Variants in RFLNA observed in about 807,000 individuals in gnomAD.
RFLNA encodes the protein refilin-A.
In RFLNA, 5 loss-of-function variants were observed where a neutral mutation model predicts 7.8. The ratio of observed to expected loss-of-function variants is 0.64; its 90% confidence interval spans 0.34 to 1.35. RFLNA has a LOEUF of 1.35. Among genes scored for constraint, RFLNA ranks in the 40% most tolerant of loss-of-function variants. The probability of loss-of-function intolerance (pLI) is 0.04; values close to 1 mark genes in which losing one functional copy is unlikely to be tolerated. For synonymous variants in RFLNA, 141 were observed against 131.3 expected (o/e 1.07, Z -0.50); for missense variants, 278 against 305.5 (o/e 0.91, Z 0.67).
intron 2 of RFLNA, among the ~76,000 whole-genome samples, chr12:124,312,912 A>G (rs114086562): frequency 0.029 from 4,374 of 152,214 alleles, 117 homozygotes; most frequent in African/African-American, 0.066. Context: ...CTTCCCAAGG[A>G]TGGAGTGTGG....
chr12:124,294,893 AGT>A (rs1311060725), upstream of RFLNA, among the ~76,000 whole-genome samples: 2 of 152,214 alleles, frequency 1.3e-5, no homozygotes, highest in African/African-American at 4.8e-5. Flanking sequence ...TCGGTGCGCC[AGT>A]GTGGTGCTTG....
upstream of RFLNA, among the ~76,000 whole-genome samples, chr12:124,294,305 T>G (rs779662071): frequency 3.2e-4 from 49 of 152,180 alleles, no homozygotes; most frequent in Non-Finnish European, 5.6e-4. Flanking sequence ...ATTCCTGCTT[T>G]TCAAAGCAGT....
chr12:124,308,234 G>A (rs937916304), intron 1 of RFLNA, among the ~76,000 whole-genome samples: 2 of 152,110 alleles, frequency 1.3e-5, no homozygotes, highest in East Asian at 1.9e-4. Context: ...CACCCACCTC[G>A]GCCTCCCAAA....
chr12:124,299,246 G>T (rs1406181301), intron 1 of RFLNA, among the ~76,000 whole-genome samples: 1 of 152,262 alleles, frequency 6.6e-6, no homozygotes, highest in African/African-American at 2.4e-5. Flanking sequence ...ATGCGGGCAG[G>T]GACCTGTCTC....
intron 1 of RFLNA, among the ~76,000 whole-genome samples, chr12:124,298,672 C>A (rs2033973537): frequency 6.6e-6 from 1 of 152,194 alleles, no homozygotes. Flanking sequence ...AGAGACACAG[C>A]CACCAGCTGA....
chr12:124,299,797 G>A (rs1566322218), intron 1 of RFLNA, among the ~76,000 whole-genome samples: 4 of 144,478 alleles, frequency 2.8e-5, no homozygotes, highest in African/African-American at 1.1e-4. Flanking sequence ...AGCGGGGTGG[G>A]TGAGTAACAC....
chr12:124,297,280 C>G (rs1593026029), intron 1 of RFLNA, among the ~76,000 whole-genome samples: 1 of 152,114 alleles, frequency 6.6e-6, no homozygotes, highest in African/African-American at 2.4e-5. Context: ...CTTGTCTTGG[C>G]TCTTCTACTT....
At chr12:124,290,886 G>A (rs558918594), upstream of RFLNA, among the ~76,000 whole-genome samples, 5 of 152,338 alleles carry the variant, frequency 3.3e-5, no homozygotes, top group African/African-American at 1.2e-4. The surrounding 1 kb of genome is among the most constrained non-coding windows in gnomAD (Gnocchi z 4.0). Context: ...AGATCACACA[G>A]CCGGGACATG....
chr12:124,306,215 G>A lies in RFLNA; in HGVS notation c.208-5603G>A, dbSNP rs2034134991. Reference sequence around the variant, plus strand: ...AGGTGATAAGGACTCCAGCCTTAGGGAGCTGCTTCTCTGGGGGTGACAGAC... The same window carrying A: ...AGGTGATAAGGACTCCAGCCTTAGGAAGCTGCTTCTCTGGGGGTGACAGAC... On this transcript the variant is annotated intron_variant, in intron 1 of 2. Coordinates refer to ENST00000546355, the MANE Select transcript of RFLNA (RefSeq NM_001365156.1). The surrounding 1 kb of genome is among the most constrained non-coding windows in gnomAD (Gnocchi z 5.2). 6.6e-6 allele frequency among the ~76,000 whole-genome samples: 1 copy of A among 152,282 alleles called. No homozygotes were observed. The highest frequency in any genetic ancestry group is 2.1e-4 in the South Asian group (1 of 4,826).
rs1264108903 is a variant in RFLNA, at chr12:124,306,746, G to A, written c.208-5072G>A. Among the ~76,000 whole-genome samples, 2 of 152,138 alleles carry A rather than the reference G, an allele frequency of 1.3e-5. No individual in the cohort carries two copies. Among genetic ancestry groups the A allele is most frequent in the African/African-American group, 2.4e-5 (1 of 41,436 alleles). On this transcript the variant is annotated intron_variant, in intron 1 of 2. Coordinates refer to ENST00000546355, the MANE Select transcript of RFLNA (RefSeq NM_001365156.1). This position sits in a 1 kb window ranked among gnomAD's most constrained non-coding sequence, Gnocchi z 5.2. The stretch of plus-strand genomic sequence containing the variant: ...GTGGCGAGTGCCCAGAATGGTGCCC[G>A]GCACAGTGAGAGTGCAAAAAGCTCT...
rs542066388 is a variant in RFLNA at position 124,314,811 on chromosome 12, C to G, written c.*286C>G. On this transcript the variant is annotated 3_prime_UTR_variant, in exon 3 of 3. Transcript: ENST00000546355. Reference sequence around the variant, plus strand: ...CATGCACTGTTAGGTGGTGGCCACCCCCAGGGTCAGGGGAAAAGAATGGGT... The same window carrying G: ...CATGCACTGTTAGGTGGTGGCCACCGCCAGGGTCAGGGGAAAAGAATGGGT... The G allele has an allele frequency of 2.6e-3, 1,648 of 630,114 alleles. 6 individuals carry two copies. Among genetic ancestry groups the G allele is most frequent in the Non-Finnish European group, 4.1e-3 (1,389 of 339,050 alleles). 39.0% of individuals were successfully genotyped at this position (630,114 alleles called of 1,614,324 possible). A position where few individuals can be genotyped will look rare whatever the true frequency, so the allele number is the denominator to read the frequency against.
upstream of RFLNA, among the ~76,000 whole-genome samples, chr12:124,295,012 TG>T (rs2033879653): frequency 6.6e-6 from 1 of 150,764 alleles, no homozygotes; most frequent in Non-Finnish European, 1.5e-5. Context: ...CCGGGGCTGT[TG>T]CCCACCGCGC....
intron 1 of RFLNA, among the ~76,000 whole-genome samples, chr12:124,309,665 T>G (rs2034203627): frequency 6.6e-6 from 1 of 152,204 alleles, no homozygotes; most frequent in Non-Finnish European, 1.5e-5. Flanking sequence ...CACGTGTAGT[T>G]CCAGCAGAGG....
intron 1 of RFLNA, among the ~76,000 whole-genome samples, chr12:124,296,134 C>T (rs866653721): frequency 0.22 from 248 of 1,148 alleles, 82 homozygotes; most frequent in Non-Finnish European, 0.64. Flanking sequence ...CTCTCTCTCT[C>T]TCTCTTCTTC....
chr12:124,310,172 C>CAAAA (rs71088996), intron 1 of RFLNA, among the ~76,000 whole-genome samples: 1,221 of 17,080 alleles, frequency 0.071, 329 homozygotes, highest in South Asian at 0.17. Flanking sequence ...GACTCTGTCT[C>CAAAA]AAAAAAAAAA....
intron 1 of RFLNA, among the ~76,000 whole-genome samples, chr12:124,308,045 G>T (rs1205775306): frequency 6.6e-6 from 1 of 151,038 alleles, no homozygotes; most frequent in Non-Finnish European, 1.5e-5. Context: ...ACAGTGGCGC[G>T]ATCTCGGCTC....
chr12:124,290,453 T>C (rs185678755), upstream of RFLNA, among the ~76,000 whole-genome samples: 106 of 152,278 alleles, frequency 7.0e-4, no homozygotes, highest in African/African-American at 2.4e-3. This position sits in a 1 kb window ranked among gnomAD's most constrained non-coding sequence, Gnocchi z 4.0. Context: ...TATGTGTATA[T>C]ATGTATTTGT....
chr12:124,291,069 C>G (rs1415751142), upstream of RFLNA, among the ~76,000 whole-genome samples: 3 of 152,132 alleles, frequency 2.0e-5, no homozygotes, highest in Non-Finnish European at 4.4e-5. Flanking sequence ...GCATGACGAC[C>G]TCAGTCCTCC....
At chr12:124,312,415 A>G (rs2034262368) in intron 2 of RFLNA, among the ~76,000 whole-genome samples, 1 of 151,732 alleles carries the variant, frequency 6.6e-6, no homozygotes, top group Non-Finnish European at 1.5e-5. Flanking sequence ...GGCTTAAGCA[A>G]TCCTCCTACC....
Sources: allele counts gnomAD v4.1 joint callset (sites outside exome capture counted in the v4.1 genomes callset), GRCh38; gene constraint gnomAD v4.1.1; non-coding constraint Gnocchi (gnomAD v3.1); transcripts MANE v1.5; gene names NCBI Gene and HGNC (gene_info 2026-07-23, HGNC 2026-07-21).